Variants in PODXL2 observed in about 807,000 individuals in gnomAD.
PODXL2 encodes the protein podocalyxin like 2, also known as podocalyxin-like protein 2.
Under a neutral mutation model 53.4 loss-of-function variants are expected in PODXL2, and 17 were observed. The ratio of observed to expected loss-of-function variants is 0.32; its 90% CI spans 0.22 to 0.48. The LOEUF is 0.48. Ranked by LOEUF, PODXL2 falls within the 20% of genes least tolerant of loss-of-function variation. PODXL2 has a pLI of 0.99. For synonymous variants in PODXL2, 311 were observed against 306.7 expected, an observed-to-expected ratio of 1.01 and a Z score of -0.15; for missense variants, 673 against 760.0, an observed-to-expected ratio of 0.89 and a Z score of 1.35.
chr3:127,665,632 CAG>C (rs1039858684), intron 4 of PODXL2, among the ~76,000 whole-genome samples: 1 of 152,206 alleles, frequency 6.6e-6, no homozygotes, highest in Non-Finnish European at 1.5e-5. Context: ...TCTAGCACAA[CAG>C]AGAGAAGTGC....
intron 4 of PODXL2, among the ~76,000 whole-genome samples, chr3:127,664,479 C>T (rs1189625383): frequency 1.3e-5 from 2 of 152,040 alleles, no homozygotes; most frequent in Non-Finnish European, 2.9e-5. Flanking sequence ...GCAAATATAT[C>T]TTCAAGACTC....
At chr3:127,659,502 T>C (rs919842379) in intron 2 of PODXL2, among the ~76,000 whole-genome samples, 4 of 152,200 alleles carry the variant, frequency 2.6e-5, no homozygotes, top group African/African-American at 9.7e-5. Flanking sequence ...AAAACTACAA[T>C]ATTTATTATT....
rs1401722843 is a variant in PODXL2 at position 127,639,250 on chromosome 3, T to A, written c.76T>A (p.Phe26Ile). 8 of 1,603,806 alleles carry A rather than the reference T, an allele frequency of 5.0e-6. No individual in the cohort carries two copies. In the African/African-American group the frequency reaches 1.1e-4, roughly 22 times the overall value. ...PLLLLLVGGA[F>I]LGACVAGSDE... ...TGGCTTTTATGTCTGCACAGGAGCG[T>A]TCCTGGGTGCCTGTGTGGCTGGGTC... is the stretch of plus-strand genomic sequence containing the variant. Residue 26 changes from phenylalanine (F) to isoleucine (I), a missense_variant, in exon 2 of 8, where the codon TTC becomes ATC. By Grantham distance (21) the Phe-to-Ile change is conservative (BLOSUM62 0). Around this residue, in one of 3 missense-constraint regions of PODXL2, gnomAD observed 588 missense variants for 668.3 expected, o/e 0.88. Coordinates refer to ENST00000342480, the MANE Select transcript of PODXL2 (RefSeq NM_015720.4).
At chr3:127,668,621 G>T in intron 5 of PODXL2, 24 bp downstream of exon 5, 2 of 1,482,798 alleles carry the variant, frequency 1.3e-6, no homozygotes, top group Non-Finnish European at 9.0e-7. Context: ...GGTGATGGGA[G>T]GGCCCAGGAG....
intron 2 of PODXL2, among the ~76,000 whole-genome samples, chr3:127,646,733 A>G (rs1279093217): frequency 6.6e-6 from 1 of 152,148 alleles, no homozygotes; most frequent in Non-Finnish European, 1.5e-5. Context: ...CCATTCTGTG[A>G]GCTCAGCCAG....
intron 2 of PODXL2, among the ~76,000 whole-genome samples, chr3:127,648,891 C>G (rs1048775200): frequency 6.9e-6 from 1 of 145,648 alleles, no homozygotes; most frequent in Non-Finnish European, 1.5e-5. Flanking sequence ...CTCCCGGATT[C>G]AAGCAATTCT....
chr3:127,636,564 T>A (rs2074579538), intron 1 of PODXL2, among the ~76,000 whole-genome samples: 1 of 152,270 alleles, frequency 6.6e-6, no homozygotes, highest in Admixed American at 6.5e-5. Context: ...TTTCTCTCTT[T>A]GAGTCAGGGA....
At chr3:127,646,474 G>A (rs376862535) in intron 2 of PODXL2, among the ~76,000 whole-genome samples, 2 of 150,958 alleles carry the variant, frequency 1.3e-5, no homozygotes, top group African/African-American at 2.4e-5. Flanking sequence ...TGCAACCTCC[G>A]CCTCCCAGGT....
chr3:127,658,695 G>C (rs2074741226), intron 2 of PODXL2, among the ~76,000 whole-genome samples: 1 of 152,018 alleles, frequency 6.6e-6, no homozygotes, highest in African/African-American at 2.4e-5. Flanking sequence ...TTCTTTCTCT[G>C]AGAGCTGTTA....
At chr3:127,658,250 A>G (rs2074738021) in intron 2 of PODXL2, among the ~76,000 whole-genome samples, 1 of 152,190 alleles carries the variant, frequency 6.6e-6, no homozygotes, top group Non-Finnish European at 1.5e-5. Context: ...CATACTTTTT[A>G]TTACAGGGAA....
intron 2 of PODXL2, among the ~76,000 whole-genome samples, chr3:127,641,489 G>A (rs2074620069): frequency 6.6e-6 from 1 of 151,758 alleles, no homozygotes; most frequent in Non-Finnish European, 1.5e-5. Flanking sequence ...GATTATAGCT[G>A]TGAACCACTG....
intron 2 of PODXL2, among the ~76,000 whole-genome samples, chr3:127,645,363 G>T (rs894923608): frequency 1.3e-5 from 2 of 152,220 alleles, no homozygotes; most frequent in Admixed American, 1.3e-4. Flanking sequence ...TGTCCCATCT[G>T]CTGGGAAGCT....
chr3:127,641,617 G>T (rs780283973), intron 2 of PODXL2, among the ~76,000 whole-genome samples: 1 of 151,986 alleles, frequency 6.6e-6, no homozygotes, highest in African/African-American at 2.4e-5. Context: ...AGGTTCAAGC[G>T]GTTGTCCTGC....
At chr3:127,631,418 C>G (rs2074545089) in intron 1 of PODXL2, among the ~76,000 whole-genome samples, 1 of 152,078 alleles carries the variant, frequency 6.6e-6, no homozygotes, top group Non-Finnish European at 1.5e-5. Context: ...TTGTTTTTTT[C>G]ACCTCCCCAA....
At chr3:127,650,296 T>G (rs1428316951) in intron 2 of PODXL2, among the ~76,000 whole-genome samples, 1 of 152,104 alleles carries the variant, frequency 6.6e-6, no homozygotes, top group Non-Finnish European at 1.5e-5. Context: ...TATACAGAAC[T>G]GTGATGAAAT....
chr3:127,642,599 C>A (rs2074628134), intron 2 of PODXL2, among the ~76,000 whole-genome samples: 1 of 151,870 alleles, frequency 6.6e-6, no homozygotes, highest in Admixed American at 6.6e-5. Context: ...GAACGCCGCA[C>A]CCCCCACCAA....
intron 2 of PODXL2, among the ~76,000 whole-genome samples, chr3:127,641,675 G>A (rs1007436991): frequency 5.3e-5 from 8 of 151,764 alleles, no homozygotes; most frequent in South Asian, 2.1e-4. Context: ...CACCATGCCC[G>A]AATAATTTTG....
At chr3:127,640,405 A>T (rs1376007578) in intron 2 of PODXL2, among the ~76,000 whole-genome samples, 1 of 152,252 alleles carries the variant, frequency 6.6e-6, no homozygotes, top group Non-Finnish European at 1.5e-5. Context: ...AAAATAATAC[A>T]AAGAAGAAAA....
intron 2 of PODXL2, among the ~76,000 whole-genome samples, chr3:127,648,544 A>C (rs887716820): frequency 6.6e-6 from 1 of 152,222 alleles, no homozygotes; most frequent in Non-Finnish European, 1.5e-5. Context: ...ACAGCAATTA[A>C]AAGAAGAAAA....
Sources: allele counts gnomAD v4.1 joint callset (sites outside exome capture counted in the v4.1 genomes callset), GRCh38; gene constraint gnomAD v4.1.1; regional missense constraint gnomAD v4.1.1; transcripts MANE v1.5; gene names NCBI Gene and HGNC (gene_info 2026-07-23, HGNC 2026-07-21).